Variants in GALNS observed in about 807,000 individuals in gnomAD.
GALNS encodes the protein N-acetylgalactosamine-6-sulfatase.
Under a neutral mutation model 65.9 loss-of-function variants are expected in GALNS, and 65 were observed. That is an observed-to-expected ratio of 0.99 (90% CI 0.81 to 1.21). The LOEUF (loss-of-function observed/expected upper bound fraction) is 1.21, where lower values mean the gene tolerates loss of function less well. Ranked by LOEUF, GALNS falls within the 50% of genes most tolerant of loss-of-function variation. GALNS has a pLI of 0.00. For missense variants in GALNS, 776 were observed against 700.7 expected, an observed-to-expected ratio of 1.11 and a Z score of -1.21; for synonymous variants, 346 against 288.9, an observed-to-expected ratio of 1.20 and a Z score of -2.00.
At chr16:88,854,299 G>C (rs1268719294) in intron 1 of GALNS, among the ~76,000 whole-genome samples, 1 of 152,228 alleles carries the variant, frequency 6.6e-6, no homozygotes, top group African/African-American at 2.4e-5. Context: ...GGTGTGGACA[G>C]GGCTGCGGAG....
At chr16:88,826,996 G>A (rs1000147330) in intron 9 of GALNS, 158 bp from the exon 10 acceptor site, 6 of 895,392 alleles carry the variant, frequency 6.7e-6, no homozygotes, top group Admixed American at 2.1e-5. Flanking sequence ...GGGGTCACAA[G>A]GCCTGTGAGA....
intron 10 of GALNS, among the ~76,000 whole-genome samples, chr16:88,825,943 G>A (rs1425409530): frequency 6.6e-6 from 1 of 152,190 alleles, no homozygotes; most frequent in African/African-American, 2.4e-5. Context: ...ATCCCTTCAG[G>A]ACCACCCAGG....
rs772030198 is a variant in GALNS, at chr16:88,835,341, G to A, written c.770C>T (p.Ala257Val). 2.5e-6 allele frequency: 4 copies of A among 1,613,716 alleles called. No homozygotes were observed. In the South Asian group the frequency reaches 4.4e-5, roughly 18 times the overall value. The change falls in exon 8 of 14, where the codon GCC becomes GTC. Residue 257 changes from alanine to valine, a missense_variant. Physicochemically the swap from Ala to Val is moderately conservative, Grantham distance 64 (BLOSUM62 0). Transcript: ENST00000268695. Reference protein sequence around the residue: ...GTSQRGRYGDAVREIDDSIGK... With the variant: ...GTSQRGRYGDVVREIDDSIGK... ...AATGCTGTCATCAATCTCCCGGACGGCGTCTCCATACCTGCAGGATGGTGA... is the reference window on the plus strand; with the variant it reads ...AATGCTGTCATCAATCTCCCGGACGACGTCTCCATACCTGCAGGATGGTGA...
intron 13 of GALNS, chr16:88,816,450 G>A (rs1041049516): frequency 9.1e-6 from 9 of 985,374 alleles, no homozygotes; most frequent in African/African-American, 5.2e-5. Flanking sequence ...AGGCGGGGAC[G>A]CCAGCTGCCC....
At chr16:88,829,692 T>C (rs116004099) in intron 9 of GALNS, among the ~76,000 whole-genome samples, 12,664 of 152,262 alleles carry the variant, frequency 0.083, 596 homozygotes, top group South Asian at 0.1. Context: ...CCACCTCTGC[T>C]CCCTAGTAAT....
At chr16:88,835,876 T>C in intron 6 of GALNS, 27 bp from the exon 7 acceptor site, 1 of 1,613,512 alleles carries the variant, frequency 6.2e-7, no homozygotes, top group Non-Finnish European at 8.5e-7. Flanking sequence ...ACCGTCGTCC[T>C]CCAGCCTCAG....
At chr16:88,835,887 G>T (rs754816509) in intron 6 of GALNS, 38 bp from the exon 7 acceptor site, 1 of 1,613,098 alleles carries the variant, frequency 6.2e-7, no homozygotes. Context: ...CCAGCCTCAG[G>T]CCGACCTCCT....
intron 11 of GALNS, 59 bp downstream of exon 11, chr16:88,824,708 G>C (rs1429373615): frequency 6.9e-7 from 1 of 1,439,856 alleles, no homozygotes; most frequent in African/African-American, 1.4e-5. Flanking sequence ...GTGCTCAGGG[G>C]CCACGTCTGG....
At position 88,848,399 on chromosome 16, in the gene GALNS, G is replaced by T. The variant is rs551320666; in HGVS notation, c.121-5570C>A. Reference sequence around the variant, plus strand: ...TAATCCCAGCACTTTGGGAGGCCGAGGCAGGTGGATCACGAGGTGGTCAGG... The same window carrying T: ...TAATCCCAGCACTTTGGGAGGCCGATGCAGGTGGATCACGAGGTGGTCAGG... On this transcript the variant is annotated intron_variant, in intron 1 of 13. Coordinates refer to ENST00000268695, the MANE Select transcript of GALNS (RefSeq NM_000512.5). 2.0e-3 allele frequency among the ~76,000 whole-genome samples: 298 copies of T among 152,284 alleles called. 1 individual carries two copies. Among genetic ancestry groups the T allele is most frequent in the African/African-American group, 6.3e-3 (263 of 41,566 alleles).
intron 1 of GALNS, chr16:88,855,014 A>ACCCCC: frequency 3.3e-6 from 1 of 300,550 alleles, no homozygotes; most frequent in Non-Finnish European, 6.6e-6. Context: ...GCCACACCCC[A>ACCCCC]CCCCTCCACC....
At chr16:88,822,560 A>C (rs971610814) in intron 12 of GALNS, 29 bp downstream of exon 12, 2 of 1,611,528 alleles carry the variant, frequency 1.2e-6, no homozygotes, top group Non-Finnish European at 8.5e-7. Context: ...GCACTGCCTC[A>C]GCAGCCAGGA....
chr16:88,814,321 G>C lies in GALNS; in HGVS notation c.*118C>G, dbSNP rs1335059967. ...ATTGTGCAGTCCCCCTGCGTCTGCA[G>C]GTGCTGTCTGTCTGGCTTGGGCAGG... On this transcript the variant is annotated 3_prime_UTR_variant, in exon 14 of 14. Transcript: ENST00000268695. 1 of 1,343,504 alleles carries C rather than the reference G, an allele frequency of 7.4e-7. No individual in the cohort carries two copies. The highest frequency in any genetic ancestry group is 1.3e-5 in the South Asian group (1 of 79,546). The allele number at this position is 1,343,504 out of a possible 1,614,324, so 83.2% of individuals were successfully genotyped here. A position where few individuals can be genotyped will look rare whatever the true frequency, so the allele number is the denominator to read the frequency against.
rs561421552 is a variant in GALNS at position 88,836,609 on chromosome 16, G to A, written c.567-342C>T. On this transcript the variant is annotated intron_variant, in intron 5 of 13. Transcript: ENST00000268695. ...GCGGAGGTTGCAGTGAGCCGAGATC[G>A]CGCCACTGCAATCCACCCTGGGTGA... Among the ~76,000 whole-genome samples, 61 of 151,814 alleles carry A rather than the reference G, an allele frequency of 4.0e-4. No individual in the cohort carries two copies. The South Asian group carries it at 0.011, about 28-fold the overall frequency.
rs576386035 is a variant in GALNS at position 88,827,758 on chromosome 16, C to A, written c.1003-920G>T. On this transcript the variant is annotated intron_variant, in intron 9 of 13. Coordinates refer to ENST00000268695, the MANE Select transcript of GALNS (RefSeq NM_000512.5). ...CGGCGGCCCTGTCTCTTTCTTAACT[C>A]GGGGGCTCCAGGCTTGGGTCACTCG... is the stretch of plus-strand genomic sequence containing the variant. 2.6e-5 allele frequency among the ~76,000 whole-genome samples: 4 copies of A among 152,274 alleles called. No homozygotes were observed. The South Asian group carries it at 8.3e-4, about 32-fold the overall frequency.
intron 1 of GALNS, among the ~76,000 whole-genome samples, chr16:88,846,210 G>T (rs1343150042): frequency 2.0e-5 from 3 of 152,192 alleles, no homozygotes; most frequent in Non-Finnish European, 4.4e-5. Flanking sequence ...GTGTAGCTCA[G>T]CATGTGACCT....
rs1262810478 is a variant in GALNS at position 88,856,287 on chromosome 16, T to C, written c.120+471A>G. 6.0e-5 allele frequency: 42 copies of C among 702,566 alleles called. No homozygotes were observed. The East Asian group carries it at 1.0e-3, about 18-fold the overall frequency. The allele number at this position is 702,566 out of a possible 1,614,324, so 43.5% of individuals were successfully genotyped here. On this transcript the variant is annotated intron_variant, in intron 1 of 13. Coordinates refer to ENST00000268695, the MANE Select transcript of GALNS (RefSeq NM_000512.5). ...AGCGGGGGGACCCGGCGGCCCGAGG[T>C]GGCGGGAGTGATTCCTAGGGCGACG...
chr16:88,822,914 G>T (rs184845441), intron 11 of GALNS, among the ~76,000 whole-genome samples: 2 of 152,178 alleles, frequency 1.3e-5, no homozygotes, highest in African/African-American at 4.8e-5. Flanking sequence ...GGTGCAGGGC[G>T]CTGGCTAAAC....
chr16:88,825,895 G>A (rs770627237), intron 10 of GALNS, among the ~76,000 whole-genome samples: 10 of 152,144 alleles, frequency 6.6e-5, no homozygotes, highest in Admixed American at 4.6e-4. Context: ...GCCTTGGGCC[G>A]TCCCCACCTT....
chr16:88,844,283 G>C (rs926022215), intron 1 of GALNS: 2 of 152,270 alleles, frequency 1.3e-5, no homozygotes, highest in Non-Finnish European at 2.9e-5. Context: ...GCAAACTCCG[G>C]AGGTGAGTGG....
Sources: allele counts gnomAD v4.1 joint callset (sites outside exome capture counted in the v4.1 genomes callset), GRCh38; gene constraint gnomAD v4.1.1; transcripts MANE v1.5; gene names NCBI Gene and HGNC (gene_info 2026-07-23, HGNC 2026-07-21).